Variants in PTPRM observed in about 807,000 individuals in gnomAD.
PTPRM encodes protein tyrosine phosphatase receptor type M.
PTPRM carries 47 observed loss-of-function variants against 186.7 expected under a neutral mutation model. The ratio of observed to expected loss-of-function variants is 0.25; its 90% CI spans 0.20 to 0.32. The LOEUF (loss-of-function observed/expected upper bound fraction) is 0.32, where lower values mean the gene tolerates loss of function less well. Among genes scored for constraint, PTPRM ranks in the 10% least tolerant of loss-of-function variants. The pLI, the probability that PTPRM is intolerant of heterozygous loss-of-function variation, is 1.00. For synonymous variants in PTPRM, 668 were observed against 674.9 expected, an observed-to-expected ratio of 0.99 and a Z score of 0.16; for missense variants, 1,494 against 1,865.0, an observed-to-expected ratio of 0.80 and a Z score of 3.66.
chr18:7,995,292 C>A (rs750406839), intron 7 of PTPRM, among the ~76,000 whole-genome samples: 8 of 151,980 alleles, frequency 5.3e-5, no homozygotes, highest in Non-Finnish European at 8.8e-5. Flanking sequence ...AAAAAGCCTC[C>A]CAACAAAGAA....
intron 1 of PTPRM, among the ~76,000 whole-genome samples, chr18:7,574,239 A>G (rs2036631696): frequency 1.3e-5 from 2 of 152,218 alleles, no homozygotes; most frequent in African/African-American, 4.8e-5. Context: ...CTGGCCAGAC[A>G]CTGGGGAAGA....
At chr18:7,733,498 G>C (rs1166711477) in intron 1 of PTPRM, among the ~76,000 whole-genome samples, 1 of 152,036 alleles carries the variant, frequency 6.6e-6, no homozygotes, top group Non-Finnish European at 1.5e-5. Context: ...ATAGGCATTT[G>C]GGCTGGCTCC....
chr18:8,250,645 C>CA (rs1199249890), intron 17 of PTPRM, among the ~76,000 whole-genome samples: 1 of 151,556 alleles, frequency 6.6e-6, no homozygotes, highest in Non-Finnish European at 1.5e-5. Context: ...ATAAATTAGC[C>CA]AGGCATGGTG....
intron 2 of PTPRM, among the ~76,000 whole-genome samples, chr18:7,843,836 C>T (rs2046463632): frequency 1.3e-5 from 2 of 152,148 alleles, no homozygotes; most frequent in South Asian, 4.2e-4. Flanking sequence ...TGTGGGGCTT[C>T]AGCTAGAGGT....
intron 11 of PTPRM, among the ~76,000 whole-genome samples, chr18:8,107,836 G>A (rs1016481323): frequency 1.3e-5 from 2 of 152,192 alleles, no homozygotes; most frequent in African/African-American, 2.4e-5. Flanking sequence ...ATCAACAGGT[G>A]TGTGTCCAGT....
intron 14 of PTPRM, among the ~76,000 whole-genome samples, chr18:8,173,595 C>T (rs1390192992): frequency 1.3e-5 from 2 of 152,164 alleles, no homozygotes; most frequent in East Asian, 3.8e-4. Context: ...TCGGCTATGC[C>T]ATGTAGGAGA....
At chr18:7,904,050 G>C (rs188196712) in intron 3 of PTPRM, among the ~76,000 whole-genome samples, 2 of 152,042 alleles carry the variant, frequency 1.3e-5, no homozygotes, top group East Asian at 1.9e-4. Context: ...TTGATTTTTC[G>C]TATGAACTAA....
In PTPRM at chr18:8,032,087, G is replaced by A. The variant is rs1600167888; in HGVS notation, c.1133-37599G>A. Among the ~76,000 whole-genome samples the A allele has an allele frequency of 2.0e-5, 3 of 152,274 alleles. No individual in the cohort carries two copies. In the South Asian group the frequency reaches 6.2e-4, roughly 32 times the overall value. ...TCATAGTATTCTCTTCCTGGAAAAT[G>A]TAGAAGAATCCACTGAAAATCAATT... On this transcript the variant is annotated intron_variant, in intron 7 of 32. Coordinates refer to ENST00000580170, the MANE Select transcript of PTPRM (RefSeq NM_001105244.2).
chr18:7,678,392 G>A (rs2039399372), intron 1 of PTPRM, among the ~76,000 whole-genome samples: 1 of 152,130 alleles, frequency 6.6e-6, no homozygotes, highest in African/African-American at 2.4e-5. Flanking sequence ...CCACTTAAGG[G>A]ATTTGATTGC....
intron 7 of PTPRM, among the ~76,000 whole-genome samples, chr18:8,034,631 A>G (rs561677664): frequency 6.6e-6 from 1 of 152,084 alleles, no homozygotes; most frequent in African/African-American, 2.4e-5. Context: ...TAAGAATAAT[A>G]CTCTGTGGCC....
chr18:7,658,295 T>A (rs1341884494), intron 1 of PTPRM, among the ~76,000 whole-genome samples: 1 of 147,708 alleles, frequency 6.8e-6, no homozygotes, highest in Admixed American at 6.8e-5. Flanking sequence ...GAGAATCTAT[T>A]AAAAACATTG....
chr18:7,632,780 A>G (rs2038221780), intron 1 of PTPRM, among the ~76,000 whole-genome samples: 1 of 152,244 alleles, frequency 6.6e-6, no homozygotes, highest in Non-Finnish European at 1.5e-5. Flanking sequence ...CAGCAAAGCT[A>G]CGTGCTGTTT....
At chr18:8,324,702 C>G (rs1358129941) in intron 22 of PTPRM, among the ~76,000 whole-genome samples, 1 of 152,154 alleles carries the variant, frequency 6.6e-6, no homozygotes, top group African/African-American at 2.4e-5. Context: ...TCATCTTTAC[C>G]ACAAATATGG....
chr18:8,338,352 T>A (rs1437537972), intron 22 of PTPRM, among the ~76,000 whole-genome samples: 1 of 133,642 alleles, frequency 7.5e-6, no homozygotes, highest in East Asian at 2.2e-4. Flanking sequence ...TCTATGTCAT[T>A]ACATTAAAAT....
rs1598426059 is a variant in PTPRM at position 7,567,628 on chromosome 18, A to C, written c.-191A>C. 1 of 510,092 alleles carries C rather than the reference A, an allele frequency of 2.0e-6. No homozygotes were observed. Among genetic ancestry groups the C allele is most frequent in the Non-Finnish European group, 3.4e-6 (1 of 295,436 alleles). The allele number at this position is 510,092 out of a possible 1,614,324, so 31.6% of individuals were successfully genotyped here. On this transcript the variant is annotated 5_prime_UTR_variant, in exon 1 of 33. Transcript: ENST00000580170. This position sits in a 1 kb window ranked among gnomAD's most constrained non-coding sequence, Gnocchi z 4.3. ...CAGGGACAGGGGAGGAGGACCCAGG[A>C]CCCTGTGCCCGCGCCCCTGGAGCCG... is the stretch of plus-strand genomic sequence containing the variant.
intron 7 of PTPRM, among the ~76,000 whole-genome samples, chr18:8,003,562 C>T (rs2083996885): frequency 6.6e-6 from 1 of 152,226 alleles, no homozygotes; most frequent in African/African-American, 2.4e-5. Context: ...GGTCTGAGCA[C>T]CGTATCACAT....
chr18:7,757,936 C>A (rs76293815), intron 1 of PTPRM, among the ~76,000 whole-genome samples: 3,754 of 152,090 alleles, frequency 0.025, 139 homozygotes, highest in African/African-American at 0.083. Flanking sequence ...TTGGGCTTCT[C>A]AGGGAAAATT....
intron 1 of PTPRM, among the ~76,000 whole-genome samples, chr18:7,699,545 A>G (rs1436181031): frequency 6.6e-6 from 1 of 151,884 alleles, no homozygotes; most frequent in East Asian, 1.9e-4. Context: ...AGTAGTTGGG[A>G]CTACAGCCAC....
At chr18:8,262,707 A>G (rs1478372077) in intron 19 of PTPRM, among the ~76,000 whole-genome samples, 2 of 152,230 alleles carry the variant, frequency 1.3e-5, no homozygotes, top group Non-Finnish European at 2.9e-5. Context: ...CAATATATTA[A>G]CTGATAATAC....
Sources: gnomAD v4.1 joint callset for allele counts (sites outside exome capture counted in the v4.1 genomes callset) on GRCh38, gnomAD v4.1.1 for gene constraint, Gnocchi (gnomAD v3.1) non-coding constraint, MANE v1.5 for transcripts, NCBI Gene and HGNC (gene_info 2026-07-23, HGNC 2026-07-21) for gene names.